The following STARD13 variants were observed in gnomAD, a reference collection of about 807,000 sequenced individuals.
STARD13 encodes the protein stAR-related lipid transfer protein 13.
Under a neutral mutation model 106.4 loss-of-function variants are expected in STARD13, and 62 were observed. The ratio of observed to expected loss-of-function variants is 0.58; its 90% CI spans 0.48 to 0.72. STARD13 has a LOEUF of 0.72. STARD13 is among the 30% of genes least tolerant of loss of function. The pLI is 0.00. For synonymous variants in STARD13, 565 were observed against 553.0 expected (o/e 1.02, Z -0.31); for missense variants, 1,387 against 1,424.0 (o/e 0.97, Z 0.42).
chr13:33,394,082 T>C, the STARD13 span, among the ~76,000 whole-genome samples: 1 of 152,298 alleles, frequency 6.6e-6, no homozygotes, highest in South Asian at 2.1e-4. Context: ...AGAAAGGCTG[T>C]AGAACCTTTA....
the STARD13 span, among the ~76,000 whole-genome samples, chr13:33,510,578 C>G: frequency 6.6e-6 from 1 of 152,178 alleles, no homozygotes; most frequent in African/African-American, 2.4e-5. Context: ...GGGATGATCA[C>G]ATGACCAAAG....
the STARD13 span, among the ~76,000 whole-genome samples, chr13:33,669,638 C>T: frequency 5.4e-5 from 8 of 148,916 alleles, no homozygotes; most frequent in Non-Finnish European, 1.0e-4. Context: ...TGGGTTCAAG[C>T]AATTCTCCTG....
the STARD13 span, among the ~76,000 whole-genome samples, chr13:33,374,843 G>A: frequency 1.1e-4 from 17 of 152,230 alleles, no homozygotes; most frequent in South Asian, 3.5e-3. Context: ...TCTTTATACA[G>A]ATCACTGGGG....
At chr13:33,184,038 G>T (rs947687845) in intron 1 of STARD13, among the ~76,000 whole-genome samples, 2 of 152,154 alleles carry the variant, frequency 1.3e-5, no homozygotes, top group African/African-American at 4.8e-5. Flanking sequence ...TGAGTTTTTT[G>T]GGGCACTGAA....
chr13:33,413,531 T>C, the STARD13 span, among the ~76,000 whole-genome samples: 1 of 152,114 alleles, frequency 6.6e-6, no homozygotes, highest in Non-Finnish European at 1.5e-5. Flanking sequence ...GTGAACCTCA[T>C]GTGAAAAGGA....
chr13:33,406,143 A>G, the STARD13 span, among the ~76,000 whole-genome samples: 5 of 152,318 alleles, frequency 3.3e-5, no homozygotes, highest in South Asian at 4.1e-4. Context: ...GACAAAACCC[A>G]TACTCTAAGC....
At chr13:33,241,345 T>C (rs1166173891) in intron 1 of STARD13, among the ~76,000 whole-genome samples, 1 of 152,154 alleles carries the variant, frequency 6.6e-6, no homozygotes. Context: ...ACTTGGGTAT[T>C]CAACACAATA....
rs564310878 is a variant in STARD13, at chr13:33,312,127, T to G, written c.124+38163A>C. On this transcript the variant is annotated intron_variant, in intron 1 of 5. Transcript: ENST00000567873. ...TGTTTTACACAATATACATAAAAGC[T>G]GCAGTAACATGTAATCAACAAACAT... Among the ~76,000 whole-genome samples, 15 of 152,320 alleles carry G rather than the reference T, an allele frequency of 9.8e-5. No homozygotes were observed. In the South Asian group the frequency reaches 2.7e-3, roughly 27 times the overall value.
At chr13:33,489,136 A>G in the STARD13 span, among the ~76,000 whole-genome samples, 1 of 152,316 alleles carries the variant, frequency 6.6e-6, no homozygotes, top group South Asian at 2.1e-4. Context: ...TTCCCCCACT[A>G]TTAATAAACT....
the STARD13 span, among the ~76,000 whole-genome samples, chr13:33,415,218 A>T: frequency 6.6e-6 from 1 of 152,132 alleles, no homozygotes; most frequent in South Asian, 2.1e-4. Context: ...AATACAAAAA[A>T]GTAGCCGGGC....
chr13:33,297,564 A>C (rs973720806), intron 1 of STARD13, among the ~76,000 whole-genome samples: 6 of 152,008 alleles, frequency 3.9e-5, no homozygotes, highest in Admixed American at 2.0e-4. Context: ...TGTAAGACCA[A>C]AATTGTGTGG....
chr13:33,481,172 A>G, the STARD13 span, among the ~76,000 whole-genome samples: 1 of 152,198 alleles, frequency 6.6e-6, no homozygotes, highest in Non-Finnish European at 1.5e-5. Flanking sequence ...CCTTTCCAAT[A>G]TGAATTGTAC....
the STARD13 span, among the ~76,000 whole-genome samples, chr13:33,618,515 TCATACATG>T: frequency 6.6e-6 from 1 of 152,154 alleles, no homozygotes; most frequent in Admixed American, 6.5e-5. Flanking sequence ...ATACATCCAT[TCATACATG>T]CCCCATATAT....
intron 1 of STARD13, among the ~76,000 whole-genome samples, chr13:33,197,203 C>T (rs887689007): frequency 1.1e-4 from 16 of 152,150 alleles, no homozygotes; most frequent in African/African-American, 3.6e-4. Flanking sequence ...CTTTGGTCAC[C>T]CCAGGTCCCG....
At chr13:33,450,156 T>G in the STARD13 span, among the ~76,000 whole-genome samples, 1 of 152,224 alleles carries the variant, frequency 6.6e-6, no homozygotes, top group Non-Finnish European at 1.5e-5. Context: ...ACCTTTGTCT[T>G]GTTTCAGATC....
At chr13:33,625,759 T>A in the STARD13 span, among the ~76,000 whole-genome samples, 1 of 151,518 alleles carries the variant, frequency 6.6e-6, no homozygotes, top group African/African-American at 2.4e-5. Flanking sequence ...TAGAATGCGG[T>A]GGCACCATCA....
chr13:33,130,379 C>A lies in STARD13; in HGVS notation c.388-90G>T. On this transcript the variant is annotated intron_variant, in intron 4 of 13. Transcript: ENST00000336934. The surrounding 1 kb of genome is among the most constrained non-coding windows in gnomAD (Gnocchi z 4.1). Reference sequence around the variant, plus strand: ...TCTGAGGGCAGCCCTGTGTGGTCCTCCACCTCCCTCCCCTCTGTCCTCCCA... The same window carrying A: ...TCTGAGGGCAGCCCTGTGTGGTCCTACACCTCCCTCCCCTCTGTCCTCCCA... The A allele has an allele frequency of 8.0e-7, 1 of 1,253,916 alleles. No homozygotes were observed. Among genetic ancestry groups the A allele is most frequent in the Non-Finnish European group, 1.1e-6 (1 of 898,612 alleles). The allele number at this position is 1,253,916 out of a possible 1,614,324, so 77.7% of individuals were successfully genotyped here.
the STARD13 span, among the ~76,000 whole-genome samples, chr13:33,559,248 T>A: frequency 1.3e-5 from 2 of 151,696 alleles, no homozygotes. Flanking sequence ...TAATGAGTTT[T>A]TAATAATGTT....
At chr13:33,564,490 A>G in the STARD13 span, among the ~76,000 whole-genome samples, 2 of 146,404 alleles carry the variant, frequency 1.4e-5, no homozygotes, top group African/African-American at 5.1e-5. Flanking sequence ...AGGTTTATCC[A>G]AAAGCTAAAA....
Sources: gnomAD v4.1 joint callset for allele counts (sites outside exome capture counted in the v4.1 genomes callset) on GRCh38, gnomAD v4.1.1 for gene constraint, Gnocchi (gnomAD v3.1) non-coding constraint, MANE v1.5 for transcripts, NCBI Gene and HGNC (gene_info 2026-07-23, HGNC 2026-07-21) for gene names.